OR6N1: variants seen among roughly 807,000 people sequenced by gnomAD.
OR6N1 encodes olfactory receptor family 6 subfamily N member 1, also known as olfactory receptor 6N1.
For synonymous variants in OR6N1, 170 were observed against 150.7 expected (o/e 1.13, Z -0.94); for missense variants, 394 against 371.7 (o/e 1.06, Z -0.49).
At chr1:158,834,581 C>T in the OR6N1 span, among the ~76,000 whole-genome samples, 2 of 152,122 alleles carry the variant, frequency 1.3e-5, no homozygotes, top group East Asian at 3.9e-4. Flanking sequence ...CTTTTTTACT[C>T]TGTTAATTGT....
Position 158,765,765 on chromosome 1 carries a change from C to A in OR6N1, c.918G>T (p.Lys306Asn), listed in dbSNP as rs1396908749. 1 of 1,613,754 alleles carries A rather than the reference C, an allele frequency of 6.2e-7. No individual in the cohort carries two copies. The highest frequency in any genetic ancestry group is 2.2e-5 in the East Asian group (1 of 44,848). Residue 306 changes from lysine to asparagine, a missense_variant, in exon 2 of 2, where the codon AAG (lysine) becomes AAT (asparagine). Lys to Asn is a moderately conservative substitution (Grantham distance 94, BLOSUM62 0). Transcript: ENST00000641846. ...EIKEAVRRQL[K>N]RIGILA The stretch of plus-strand genomic sequence containing the variant: ...CAACTCATGCCAATATCCCAATTCT[C>A]TTTAGCTGCCTCCTCACAGCCTCCT...
chr1:158,766,927 A>T (rs1336853902), intron 1 of OR6N1, among the ~76,000 whole-genome samples: 1 of 152,108 alleles, frequency 6.6e-6, no homozygotes, highest in East Asian at 1.9e-4. Context: ...TGATTAACAC[A>T]GCTCATTTTT....
the OR6N1 span, among the ~76,000 whole-genome samples, chr1:158,826,374 A>G: frequency 6.6e-6 from 1 of 152,188 alleles, no homozygotes; most frequent in African/African-American, 2.4e-5. Context: ...TTGATAATTA[A>G]GAAAAGAGAG....
the OR6N1 span, among the ~76,000 whole-genome samples, chr1:158,798,358 A>G: frequency 6.6e-6 from 1 of 151,492 alleles, no homozygotes. Flanking sequence ...TTTAAATAAT[A>G]TTAAATTTAA....
At chr1:158,783,739 C>T in the OR6N1 span, among the ~76,000 whole-genome samples, 1 of 151,982 alleles carries the variant, frequency 6.6e-6, no homozygotes, top group Non-Finnish European at 1.5e-5. Context: ...TTTTTCAACA[C>T]CATCATTCAA....
chr1:158,824,452 T>C, the OR6N1 span, among the ~76,000 whole-genome samples: 5 of 152,214 alleles, frequency 3.3e-5, no homozygotes, highest in East Asian at 9.6e-4. Flanking sequence ...TTTTGGTTTC[T>C]TTGAATTTGC....
the OR6N1 span, among the ~76,000 whole-genome samples, chr1:158,805,868 G>A: frequency 6.6e-6 from 1 of 152,140 alleles, no homozygotes; most frequent in South Asian, 2.1e-4. Flanking sequence ...AATTAATAGT[G>A]AGATATAAGC....
At chr1:158,839,264 T>C in the OR6N1 span, among the ~76,000 whole-genome samples, 1 of 152,324 alleles carries the variant, frequency 6.6e-6, no homozygotes, top group East Asian at 1.9e-4. Flanking sequence ...ATAAACGTTC[T>C]CTGAGGCCTA....
chr1:158,810,198 C>T, the OR6N1 span, among the ~76,000 whole-genome samples: 1 of 152,254 alleles, frequency 6.6e-6, no homozygotes, highest in African/African-American at 2.4e-5. Context: ...ACACCTATGT[C>T]ACTTGAGTTT....
At chr1:158,800,625 C>T in the OR6N1 span, among the ~76,000 whole-genome samples, 7 of 152,148 alleles carry the variant, frequency 4.6e-5, no homozygotes, top group African/African-American at 1.7e-4. Flanking sequence ...GGAGATAATG[C>T]TGCTGTATGC....
upstream of OR6N1, among the ~76,000 whole-genome samples, chr1:158,772,632 C>T (rs1657451001): frequency 6.6e-6 from 1 of 152,174 alleles, no homozygotes; most frequent in African/African-American, 2.4e-5. Flanking sequence ...AAGACCGACT[C>T]CTAATCTTGT....
At chr1:158,813,401 G>A in the OR6N1 span, among the ~76,000 whole-genome samples, 43 of 152,154 alleles carry the variant, frequency 2.8e-4, no homozygotes, top group South Asian at 7.3e-3. Flanking sequence ...TAAATCTCCC[G>A]TTTGTGAAAC....
At chr1:158,800,172 T>A in the OR6N1 span, among the ~76,000 whole-genome samples, 2 of 152,168 alleles carry the variant, frequency 1.3e-5, no homozygotes, top group African/African-American at 2.4e-5. Context: ...ACCGTTTAAA[T>A]CAGAAGTTCA....
At chr1:158,773,890 C>T (rs908030967), upstream of OR6N1, among the ~76,000 whole-genome samples, 1 of 152,110 alleles carries the variant, frequency 6.6e-6, no homozygotes, top group African/African-American at 2.4e-5. Flanking sequence ...TCTGTCCTTA[C>T]CACTTTAGTG....
At chr1:158,798,715 T>C in the OR6N1 span, among the ~76,000 whole-genome samples, 3 of 151,570 alleles carry the variant, frequency 2.0e-5, no homozygotes, top group African/African-American at 7.3e-5. Context: ...TGTTAATTAT[T>C]CTACAAATAA....
At chr1:158,835,819 T>A in the OR6N1 span, among the ~76,000 whole-genome samples, 78 of 152,114 alleles carry the variant, frequency 5.1e-4, no homozygotes, top group South Asian at 0.016. Context: ...GTTTACTGAG[T>A]GTTTCTAACA....
the OR6N1 span, among the ~76,000 whole-genome samples, chr1:158,785,154 C>T: frequency 6.6e-6 from 1 of 152,136 alleles, no homozygotes; most frequent in South Asian, 2.1e-4. Flanking sequence ...CCACATTTTC[C>T]TCTTTCTCTA....
chr1:158,812,446 G>A, the OR6N1 span, among the ~76,000 whole-genome samples: 1 of 152,164 alleles, frequency 6.6e-6, no homozygotes, highest in African/African-American at 2.4e-5. Flanking sequence ...TTCCTGTTAA[G>A]TGCTCATTTA....
In OR6N1 at chr1:158,765,754, A is replaced by T. The variant is rs1657234842; in HGVS notation, c.929T>A (p.Ile310Lys). 1 of 1,612,160 alleles carries T rather than the reference A, an allele frequency of 6.2e-7. No homozygotes were observed. The highest frequency in any genetic ancestry group is 1.7e-4 in the Middle Eastern group (1 of 6,052). Residue 310 changes from isoleucine to lysine, a missense_variant, in exon 2 of 2, where the codon ATA becomes AAA. Transcript: ENST00000641846. Reference protein sequence around the residue: ...AVRRQLKRIGILA With the variant: ...AVRRQLKRIGKLA ...ACTCTCAGCCCCAACTCATGCCAATATCCCAATTCTCTTTAGCTGCCTCCT... is the reference window on the plus strand; with the variant it reads ...ACTCTCAGCCCCAACTCATGCCAATTTCCCAATTCTCTTTAGCTGCCTCCT...
Sources: allele counts gnomAD v4.1 joint callset (sites outside exome capture counted in the v4.1 genomes callset), GRCh38; gene constraint gnomAD v4.1.1; transcripts MANE v1.5; gene names NCBI Gene and HGNC (gene_info 2026-07-23, HGNC 2026-07-21).